Variants in ABCB4 observed in about 807,000 individuals in gnomAD.
The protein encoded by ABCB4 is phosphatidylcholine translocator ABCB4.
In ABCB4, 76 loss-of-function variants were observed where a neutral mutation model predicts 145.7. That is an observed-to-expected ratio of 0.52 (90% CI 0.43 to 0.63). The LOEUF is 0.63. Ranked by LOEUF, ABCB4 falls within the 30% of genes least tolerant of loss-of-function variation. ABCB4 has a pLI of 0.00. For synonymous variants in ABCB4, 517 were observed against 566.8 expected (o/e 0.91, Z 1.25); for missense variants, 1,234 against 1,553.1 (o/e 0.79, Z 3.45).
Position 87,406,297 on chromosome 7 carries a change from C to T in ABCB4, c.3477G>A (p.Thr1159=), listed in dbSNP as rs368458295. The T allele has an allele frequency of 6.9e-5, 112 of 1,614,016 alleles. No individual in the cohort carries two copies. The East Asian group carries it at 1.1e-3, about 16-fold the overall frequency. Reference sequence around the variant, plus strand: ...CTACTCTTTAACTTACGTGGGGTAACGTCTCGATGAAAGGATGTATGTTGG... The same window carrying T: ...CTACTCTTTAACTTACGTGGGGTAATGTCTCGATGAAAGGATGTATGTTGG... The part of the protein sequence containing the change: ...KAANIHPFIE[T]LPHKYETRVG... The change falls in exon 26 of 28, where the codon ACG becomes ACA. Residue 1159 remains threonine (T), a synonymous_variant. Coordinates refer to ENST00000649586, the MANE Select transcript of ABCB4 (RefSeq NM_000443.4).
At position 87,454,769 on chromosome 7, in the gene ABCB4, C is replaced by T. The variant is rs45445693; in HGVS notation, c.287-177G>A. On this transcript the variant is annotated intron_variant, in intron 4 of 27. Coordinates refer to ENST00000649586, the MANE Select transcript of ABCB4 (RefSeq NM_000443.4). Reference sequence around the variant, plus strand: ...TTAAGTGCATTCTTTTCACTTTACTCAAGTAAAGAGCCCAAGGGTTTAGGT... The same window carrying T: ...TTAAGTGCATTCTTTTCACTTTACTTAAGTAAAGAGCCCAAGGGTTTAGGT... Among the ~76,000 whole-genome samples the T allele has an allele frequency of 4.3e-3, 660 of 152,266 alleles. 10 individuals carry two copies. Among genetic ancestry groups the T allele is most frequent in the African/African-American group, 0.014 (596 of 41,552 alleles).
chr7:87,465,342 T>C (rs932026303), intron 3 of ABCB4, among the ~76,000 whole-genome samples: 1 of 152,172 alleles, frequency 6.6e-6, no homozygotes, highest in Non-Finnish European at 1.5e-5. Context: ...GTGCCCTCCA[T>C]AGCTGAGACT....
At chr7:87,472,002 A>G (rs1012769796) in intron 3 of ABCB4, among the ~76,000 whole-genome samples, 1 of 152,150 alleles carries the variant, frequency 6.6e-6, no homozygotes, top group Non-Finnish European at 1.5e-5. Context: ...GCAGAAATGC[A>G]TTTTCTTGAA....
intron 1 of ABCB4, 68 bp from the exon 2 acceptor site, chr7:87,475,539 G>C: frequency 6.6e-7 from 1 of 1,520,808 alleles, no homozygotes; most frequent in Non-Finnish European, 9.0e-7. Flanking sequence ...GAGTCGCGGG[G>C]CCCGGGGGCA....
Position 87,472,636 on chromosome 7 carries a change from A to C in ABCB4, c.120T>G (p.Ile40Met), listed in dbSNP as rs772378256. Residue 40 changes from isoleucine to methionine, a missense_variant, in exon 3 of 28, where the codon ATT becomes ATG. Ile to Met is a conservative substitution (Grantham distance 10, BLOSUM62 1). This residue lies in a region of ABCB4 where 77 missense variants were observed against 73.3 expected (regional missense o/e 1.05). Transcript: ENST00000649586. ...CACAGCTTACCAATGTTAATACTCC[A>C]ATCATTTTCACTGTCTTCGTTTTTT... is the stretch of plus-strand genomic sequence containing the variant. ...KRKKTKTVKM[I>M]GVLTLFRYSD... 3 of 1,609,418 alleles carry C rather than the reference A, an allele frequency of 1.9e-6. No homozygotes were observed. The highest frequency in any genetic ancestry group is 2.6e-6 in the Non-Finnish European group (3 of 1,175,882).
chr7:87,459,591 T>C (rs764780789), intron 4 of ABCB4, among the ~76,000 whole-genome samples: 30 of 152,174 alleles, frequency 2.0e-4, no homozygotes, highest in Non-Finnish European at 2.9e-4. Flanking sequence ...TAAAATTTTT[T>C]TTTTACTTTA....
Position 87,402,228 on chromosome 7 carries a change from G to A in ABCB4, c.3708C>T (p.Ile1236=). The change falls in exon 28 of 28, where the codon ATC becomes ATT. Residue 1236 remains isoleucine, a synonymous_variant. Transcript: ENST00000649586. ...CIVIAHRLST[I]QNADLIVVFQ... ...ACACCACTATTAAGTCTGCATTCTG[G>A]ATGGTGGACAGGCGGTGAGCAATCA... 1 of 1,614,088 alleles carries A rather than the reference G, an allele frequency of 6.2e-7. No individual in the cohort carries two copies. Among genetic ancestry groups the A allele is most frequent in the Non-Finnish European group, 8.5e-7 (1 of 1,179,978 alleles).
rs767109812 is a variant in ABCB4, at chr7:87,443,450, A to C, written c.1231-6T>G. On this transcript the variant is annotated splice_region_variant and splice_polypyrimidine_tract_variant and intron_variant, in intron 11 of 27. Coordinates refer to ENST00000649586, the MANE Select transcript of ABCB4 (RefSeq NM_000443.4). ...AGGTTGAGGCCCTTCAAGATCTGTAAGGAAAATGAGAAAAAAGAACACACT... is the reference window on the plus strand; with the variant it reads ...AGGTTGAGGCCCTTCAAGATCTGTACGGAAAATGAGAAAAAAGAACACACT... The C allele has an allele frequency of 1.2e-6, 2 of 1,614,128 alleles. No homozygotes were observed. The highest frequency in any genetic ancestry group is 1.1e-5 in the South Asian group (1 of 91,074).
upstream of ABCB4, among the ~76,000 whole-genome samples, chr7:87,475,961 C>T (rs1376011632): frequency 6.6e-6 from 1 of 152,232 alleles, no homozygotes; most frequent in African/African-American, 2.4e-5. Context: ...CGAGATCAGG[C>T]TGGAGCCTCG....
chr7:87,451,378 T>C (rs773063667), intron 7 of ABCB4, among the ~76,000 whole-genome samples: 1 of 152,196 alleles, frequency 6.6e-6, no homozygotes, highest in African/African-American at 2.4e-5. Flanking sequence ...TCAAGTGATT[T>C]ATGTACCTTG....
At chr7:87,456,391 A>G (rs568889339) in intron 4 of ABCB4, among the ~76,000 whole-genome samples, 1 of 152,170 alleles carries the variant, frequency 6.6e-6, no homozygotes, top group Non-Finnish European at 1.5e-5. Context: ...CAGATCCCAC[A>G]TGAATGGCTT....
chr7:87,392,791 A>C, the ABCB4 span: 1 of 1,613,792 alleles, frequency 6.2e-7, no homozygotes, highest in Non-Finnish European at 8.5e-7. Flanking sequence ...TTCCTGTTCC[A>C]GAACTCTTTA....
Position 87,415,462 on chromosome 7 carries a change from A to T in ABCB4, c.2683-1745T>A, listed in dbSNP as rs1189807357. Among the ~76,000 whole-genome samples, 3 of 152,104 alleles carry T rather than the reference A, an allele frequency of 2.0e-5. No homozygotes were observed. The East Asian group carries it at 5.8e-4, about 29-fold the overall frequency. On this transcript the variant is annotated intron_variant, in intron 21 of 27. Transcript: ENST00000649586. ...GATATTAACATTTAAAACATTTTTA[A>T]TCTTTCATATTTAAAATCTTTCATA...
chr7:87,468,949 A>G lies in ABCB4; in HGVS notation c.135+3672T>C, dbSNP rs1467281176. Among the ~76,000 whole-genome samples the G allele has an allele frequency of 2.8e-5, 4 of 141,988 alleles. No individual in the cohort carries two copies. In the East Asian group the frequency reaches 5.8e-4, roughly 21 times the overall value. 93.1% of individuals were successfully genotyped at this position (141,988 alleles called of 152,430 possible). A position where few individuals can be genotyped will look rare whatever the true frequency, so the allele number is the denominator to read the frequency against. On this transcript the variant is annotated intron_variant, in intron 3 of 27. Transcript: ENST00000649586. Reference sequence around the variant, plus strand: ...CCGTCTCAAAAAATAAATAAATAAAATAAAATAAAATAAAATAAAATAAAA... The same window carrying G: ...CCGTCTCAAAAAATAAATAAATAAAGTAAAATAAAATAAAATAAAATAAAA...
At chr7:87,470,560 T>C (rs1185919575) in intron 3 of ABCB4, among the ~76,000 whole-genome samples, 1 of 152,144 alleles carries the variant, frequency 6.6e-6, no homozygotes, top group Non-Finnish European at 1.5e-5. Context: ...GGGTGAAGGA[T>C]ATGAACAGAC....
intron 3 of ABCB4, among the ~76,000 whole-genome samples, chr7:87,466,445 G>A (rs1812908386): frequency 6.6e-6 from 1 of 152,188 alleles, no homozygotes; most frequent in South Asian, 2.1e-4. Context: ...AAAGTGACAG[G>A]ATTAATGGAA....
intron 6 of ABCB4, 144 bp from the exon 7 acceptor site, chr7:87,451,938 T>C: frequency 2.6e-6 from 2 of 760,012 alleles, no homozygotes; most frequent in Non-Finnish European, 4.7e-6. Context: ...GAATAACATC[T>C]TCCCCACCTA....
intron 17 of ABCB4, 39 bp downstream of exon 17, chr7:87,423,867 G>T: frequency 6.2e-7 from 1 of 1,612,808 alleles, no homozygotes; most frequent in Non-Finnish European, 8.5e-7. Context: ...CTGATGAATT[G>T]ATCTAATTCA....
chr7:87,397,341 ACT>A (rs1008782667), downstream of ABCB4, among the ~76,000 whole-genome samples: 2 of 86,758 alleles, frequency 2.3e-5, no homozygotes, highest in African/African-American at 9.9e-5. Flanking sequence ...ACAGAGTGAG[ACT>A]CTTTCTCAAA....
Sources: gnomAD v4.1 joint callset for allele counts (sites outside exome capture counted in the v4.1 genomes callset) on GRCh38, gnomAD v4.1.1 for gene constraint, gnomAD v4.1.1 regional missense constraint, MANE v1.5 for transcripts, NCBI Gene and HGNC (gene_info 2026-07-23, HGNC 2026-07-21) for gene names.